Variants in RERE observed in about 807,000 individuals in gnomAD.
The protein encoded by RERE is arginine-glutamic acid dipeptide repeats protein.
In RERE, 40 loss-of-function variants were observed where a neutral mutation model predicts 146.1. The observed-to-expected ratio is 0.27, with a 90% CI of 0.21 to 0.36. The LOEUF is 0.36. RERE is among the 10% of genes least tolerant of loss of function. RERE has a pLI of 1.00. For synonymous variants in RERE, 1,003 were observed against 866.0 expected, an observed-to-expected ratio of 1.16 and a Z score of -2.78; for missense variants, 1,933 against 2,138.7, an observed-to-expected ratio of 0.90 and a Z score of 1.90.
At chr1:8,462,454 G>A (rs1644539232) in intron 11 of RERE, among the ~76,000 whole-genome samples, 1 of 152,246 alleles carries the variant, frequency 6.6e-6, no homozygotes. Flanking sequence ...GCCGCGGGAT[G>A]GGCCAGGAAC....
chr1:8,689,714 A>G (rs935874451), intron 1 of RERE, among the ~76,000 whole-genome samples: 1 of 152,148 alleles, frequency 6.6e-6, no homozygotes, highest in African/African-American at 2.4e-5. Context: ...TATTCTTCTA[A>G]GCAAAGCGAT....
At chr1:8,623,446 G>A (rs1646939312) in intron 3 of RERE, among the ~76,000 whole-genome samples, 1 of 152,170 alleles carries the variant, frequency 6.6e-6, no homozygotes, top group African/African-American at 2.4e-5. Flanking sequence ...GCAAGACTCT[G>A]TTTCAAACAA....
chr1:8,366,751 A>G (rs1274986991), intron 12 of RERE, among the ~76,000 whole-genome samples: 1 of 152,200 alleles, frequency 6.6e-6, no homozygotes, highest in East Asian at 1.9e-4. Flanking sequence ...CAAAAGCAAG[A>G]TACCTTTTTG....
At position 8,415,787 on chromosome 1, in the gene RERE, C is replaced by T. The variant is rs559426198; in HGVS notation, c.1284+6940G>A. 5.3e-5 allele frequency among the ~76,000 whole-genome samples: 8 copies of T among 152,352 alleles called. No individual in the cohort carries two copies. The South Asian group carries it at 6.2e-4, about 12-fold the overall frequency. The stretch of plus-strand genomic sequence containing the variant: ...TATCACAATTAATAGATTCGAGCCT[C>T]GGCTCCATTTTAATGGGAACAAACT... On this transcript the variant is annotated intron_variant, in intron 12 of 22. Transcript: ENST00000400908.
intron 11 of RERE, chr1:8,424,324 C>G (rs972534538): frequency 6.6e-5 from 10 of 152,288 alleles, no homozygotes; most frequent in Non-Finnish European, 1.0e-4. Flanking sequence ...GGCAGAGGGT[C>G]CCTCCCACTC....
At chr1:8,522,642 C>G (rs1025296554) in intron 7 of RERE, among the ~76,000 whole-genome samples, 8 of 152,260 alleles carry the variant, frequency 5.3e-5, no homozygotes, top group African/African-American at 1.9e-4. Flanking sequence ...GAGGCTGAGG[C>G]AGGCAGATCA....
At chr1:8,668,322 G>T (rs1204403199) in intron 1 of RERE, among the ~76,000 whole-genome samples, 1 of 152,134 alleles carries the variant, frequency 6.6e-6, no homozygotes, top group Non-Finnish European at 1.5e-5. Context: ...TTGTTTACTG[G>T]CAAGTCCTGA....
At chr1:8,714,480 C>G (rs1342683627) in intron 1 of RERE, among the ~76,000 whole-genome samples, 1 of 152,184 alleles carries the variant, frequency 6.6e-6, no homozygotes, top group African/African-American at 2.4e-5. Context: ...GTGAGATAAT[C>G]AAGGATGAGC....
chr1:8,754,513 T>C (rs1640598002), intron 1 of RERE, among the ~76,000 whole-genome samples: 2 of 152,222 alleles, frequency 1.3e-5, no homozygotes, highest in Admixed American at 1.3e-4. Flanking sequence ...ATTTCAGAGC[T>C]GTCTCAATGC....
At chr1:8,521,614 T>C (rs1645502709) in intron 7 of RERE, among the ~76,000 whole-genome samples, 1 of 152,228 alleles carries the variant, frequency 6.6e-6, no homozygotes, top group African/African-American at 2.4e-5. Context: ...CACTTCCAAG[T>C]TGTTTTCATC....
intron 12 of RERE, among the ~76,000 whole-genome samples, chr1:8,401,367 G>A (rs879418725): frequency 4.0e-5 from 6 of 151,502 alleles, no homozygotes; most frequent in South Asian, 2.1e-4. Context: ...GCTTGAACCC[G>A]GGAGGTGGAG....
At chr1:8,653,522 C>T (rs1017278653) in intron 2 of RERE, among the ~76,000 whole-genome samples, 2 of 151,890 alleles carry the variant, frequency 1.3e-5, no homozygotes, top group South Asian at 4.2e-4. Context: ...GGTGAAACCC[C>T]GTCTCTACTA....
chr1:8,405,612 T>C (rs1274312365), intron 12 of RERE, among the ~76,000 whole-genome samples: 1 of 152,182 alleles, frequency 6.6e-6, no homozygotes, highest in East Asian at 1.9e-4. Context: ...CGTTAATTAG[T>C]GGCCATCTCT....
intron 12 of RERE, among the ~76,000 whole-genome samples, chr1:8,389,198 C>T (rs1396675924): frequency 6.6e-6 from 1 of 152,192 alleles, no homozygotes; most frequent in Middle Eastern, 3.2e-3. Context: ...CCGAAAATGA[C>T]TACTCCATAG....
chr1:8,609,451 C>A (rs1389103179), intron 4 of RERE, among the ~76,000 whole-genome samples: 1 of 152,172 alleles, frequency 6.6e-6, no homozygotes, highest in Non-Finnish European at 1.5e-5. Context: ...TTAATCCCAA[C>A]ATTTGTATTA....
intron 12 of RERE, among the ~76,000 whole-genome samples, chr1:8,377,010 CTGAG>C (rs1365110135): frequency 1.3e-5 from 2 of 152,176 alleles, no homozygotes; most frequent in African/African-American, 4.8e-5. Flanking sequence ...AATAAAGCTG[CTGAG>C]TGAGGAAGCA....
At chr1:8,801,928 T>C (rs918007791) in intron 1 of RERE, among the ~76,000 whole-genome samples, 6 of 152,176 alleles carry the variant, frequency 3.9e-5, no homozygotes, top group African/African-American at 1.4e-4. Flanking sequence ...TATGCAGTTG[T>C]TTTCAAAAAC....
chr1:8,366,672 G>C (rs1428081884), intron 12 of RERE, among the ~76,000 whole-genome samples: 2 of 152,324 alleles, frequency 1.3e-5, no homozygotes, highest in East Asian at 3.9e-4. Context: ...CAGACACACA[G>C]TGGTGCTGAT....
intron 9 of RERE, among the ~76,000 whole-genome samples, chr1:8,497,197 A>G (rs2124242253): frequency 6.6e-6 from 1 of 152,290 alleles, no homozygotes; most frequent in South Asian, 2.1e-4. Context: ...AAGAAGAAAA[A>G]CATTACTTCA....
Sources: allele counts gnomAD v4.1 joint callset (sites outside exome capture counted in the v4.1 genomes callset), GRCh38; gene constraint gnomAD v4.1.1; transcripts MANE v1.5; gene names NCBI Gene and HGNC (gene_info 2026-07-23, HGNC 2026-07-21).